The following MINDY2 variants were observed in gnomAD, a reference collection of about 807,000 sequenced individuals.
MINDY2 encodes the protein ubiquitin carboxyl-terminal hydrolase MINDY-2.
In MINDY2, 52 loss-of-function variants were observed where a neutral mutation model predicts 68.2. The ratio of observed to expected loss-of-function variants is 0.76; its 90% confidence interval spans 0.61 to 0.96. The LOEUF is 0.96. Ranked by LOEUF, MINDY2 falls within the 40% of genes least tolerant of loss-of-function variation. The pLI is 0.00. For missense variants in MINDY2, 881 were observed against 773.4 expected, an observed-to-expected ratio of 1.14 and a Z score of -1.65; for synonymous variants, 372 against 303.0, an observed-to-expected ratio of 1.23 and a Z score of -2.36.
At chr15:58,826,691 A>G (rs925625860) in intron 5 of MINDY2, among the ~76,000 whole-genome samples, 1 of 152,172 alleles carries the variant, frequency 6.6e-6, no homozygotes, top group Non-Finnish European at 1.5e-5. Context: ...CATTGATACA[A>G]TATTATTTAA....
intron 5 of MINDY2, among the ~76,000 whole-genome samples, chr15:58,824,510 G>T (rs1269885239): frequency 6.6e-6 from 1 of 151,922 alleles, no homozygotes; most frequent in Non-Finnish European, 1.5e-5. Context: ...AGCTAAACTA[G>T]ATTTTTGTTC....
At chr15:58,831,135 C>T (rs940190924) in intron 5 of MINDY2, among the ~76,000 whole-genome samples, 1 of 150,324 alleles carries the variant, frequency 6.7e-6, no homozygotes, top group Admixed American at 6.7e-5. Context: ...TATCTATTTC[C>T]GAACTTGATA....
rs2031261692 is a variant in MINDY2 at position 58,824,474 on chromosome 15, A to AT, written c.1225+2656dup. Among the ~76,000 whole-genome samples the AT allele has an allele frequency of 5.9e-5, 9 of 152,254 alleles. No homozygotes were observed. The South Asian group carries it at 1.9e-3, about 32-fold the overall frequency. On this transcript the variant is annotated intron_variant, in intron 5 of 8. Transcript: ENST00000559228. ...CATATTTCCATATTAAAGAATAATT[A>AT]TATGTGTCATTTAGCATAATTAAAA...
At chr15:58,827,868 A>G (rs551871402) in intron 5 of MINDY2, among the ~76,000 whole-genome samples, 7 of 152,186 alleles carry the variant, frequency 4.6e-5, no homozygotes, top group South Asian at 4.1e-4. Context: ...GTATCTCCTC[A>G]TCTTTACTTA....
intron 2 of MINDY2, among the ~76,000 whole-genome samples, chr15:58,802,103 T>G (rs1276411753): frequency 1.9e-5 from 1 of 52,132 alleles, no homozygotes; most frequent in Non-Finnish European, 4.1e-5. Context: ...AAGTAAAAAG[T>G]TCAAAGCACT....
chr15:58,840,391 T>C (rs1484577943), intron 6 of MINDY2, among the ~76,000 whole-genome samples: 3 of 152,170 alleles, frequency 2.0e-5, no homozygotes, highest in Non-Finnish European at 2.9e-5. Flanking sequence ...CCTCTGTGTT[T>C]CTTTCATTAT....
chr15:58,832,903 T>G (rs1378831640), intron 6 of MINDY2, among the ~76,000 whole-genome samples: 1 of 152,222 alleles, frequency 6.6e-6, no homozygotes, highest in African/African-American at 2.4e-5. Context: ...TTTATTTATT[T>G]ATTTAGATGA....
chr15:58,825,118 G>T (rs1451254841), intron 5 of MINDY2, among the ~76,000 whole-genome samples: 1 of 152,068 alleles, frequency 6.6e-6, no homozygotes, highest in Admixed American at 6.6e-5. Context: ...ATAAGTTTTG[G>T]TCACAGGTGA....
At chr15:58,843,700 G>C (rs1019967817) in intron 6 of MINDY2, among the ~76,000 whole-genome samples, 2 of 151,892 alleles carry the variant, frequency 1.3e-5, no homozygotes, top group East Asian at 1.9e-4. Flanking sequence ...CGGGCGTGGT[G>C]GTGGGCACCT....
intron 6 of MINDY2, among the ~76,000 whole-genome samples, chr15:58,845,616 A>G (rs895913453): frequency 1.3e-5 from 2 of 152,202 alleles, no homozygotes; most frequent in African/African-American, 2.4e-5. Flanking sequence ...AATGAGTACA[A>G]CCACTATGGA....
At chr15:58,854,418 G>C (rs1460431403) in intron 8 of MINDY2, 64 bp from the exon 9 acceptor site, 1 of 1,543,968 alleles carries the variant, frequency 6.5e-7, no homozygotes, top group Non-Finnish European at 8.7e-7. Flanking sequence ...TTCCTTTCTA[G>C]ATAACCATGA....
intron 6 of MINDY2, among the ~76,000 whole-genome samples, chr15:58,833,053 ACT>A (rs761744971): frequency 1.1e-4 from 16 of 151,924 alleles, no homozygotes; most frequent in Non-Finnish European, 1.9e-4. Context: ...TTACTGTTTT[ACT>A]CTTTTTATCT....
chr15:58,806,354 C>CTT (rs57824507), intron 3 of MINDY2, among the ~76,000 whole-genome samples: 33 of 128,556 alleles, frequency 2.6e-4, no homozygotes, highest in South Asian at 5.0e-4. Context: ...AACGTGCCAA[C>CTT]TTTTTTTTTT....
intron 4 of MINDY2, chr15:58,815,291 G>C (rs560350964): frequency 6.6e-6 from 1 of 152,176 alleles, no homozygotes; most frequent in Non-Finnish European, 1.5e-5. Flanking sequence ...TGCCTTAAAA[G>C]CATCCAGTTT....
chr15:58,850,520 C>G (rs1041178750), intron 7 of MINDY2, among the ~76,000 whole-genome samples: 4 of 152,136 alleles, frequency 2.6e-5, no homozygotes, highest in African/African-American at 7.2e-5. Context: ...TCAGTTTTGT[C>G]TGAATTGCCT....
At position 58,822,817 on chromosome 15, in the gene MINDY2, T is replaced by C. The variant is rs145239339; in HGVS notation, c.1225+998T>C. ...ATAAATACTGAGGCTATAATTCTTCTGTCTGTGAAAGGGAAACAAAAGAGA... is the reference window on the plus strand; with the variant it reads ...ATAAATACTGAGGCTATAATTCTTCCGTCTGTGAAAGGGAAACAAAAGAGA... On this transcript the variant is annotated intron_variant, in intron 5 of 8. Transcript: ENST00000559228. Among the ~76,000 whole-genome samples the C allele has an allele frequency of 2.2e-3, 341 of 152,314 alleles. 3 individuals are homozygous for C. The highest frequency in any genetic ancestry group is 7.6e-3 in the African/African-American group (317 of 41,580).
chr15:58,796,907 C>T (rs1902322356), intron 2 of MINDY2, among the ~76,000 whole-genome samples: 1 of 152,144 alleles, frequency 6.6e-6, no homozygotes, highest in Non-Finnish European at 1.5e-5. Flanking sequence ...CATATCCATC[C>T]ACTCTCCACC....
intron 6 of MINDY2, among the ~76,000 whole-genome samples, chr15:58,834,857 A>G (rs935169693): frequency 6.6e-6 from 1 of 152,146 alleles, no homozygotes; most frequent in African/African-American, 2.4e-5. Flanking sequence ...TCCCATTCCT[A>G]TCTTAGTTAT....
chr15:58,817,915 A>C (rs2030804526), intron 4 of MINDY2, among the ~76,000 whole-genome samples: 1 of 152,160 alleles, frequency 6.6e-6, no homozygotes, highest in Non-Finnish European at 1.5e-5. Flanking sequence ...TACACTCTTG[A>C]TGAGTGAAAG....
Sources: gnomAD v4.1 joint callset for allele counts (sites outside exome capture counted in the v4.1 genomes callset) on GRCh38, gnomAD v4.1.1 for gene constraint, MANE v1.5 for transcripts, NCBI Gene and HGNC (gene_info 2026-07-23, HGNC 2026-07-21) for gene names.